The following MGAT4A variants were observed in gnomAD, a reference collection of about 807,000 sequenced individuals.
The protein encoded by MGAT4A is alpha-1,3-mannosyl-glycoprotein 4-beta-N-acetylglucosaminyltransferase A.
MGAT4A carries 33 observed loss-of-function variants against 74.1 expected under a neutral mutation model. The observed-to-expected ratio is 0.45, with a 90% CI of 0.34 to 0.60. The LOEUF is 0.60. Among genes scored for constraint, MGAT4A ranks in the 20% least tolerant of loss-of-function variants. MGAT4A has a pLI of 0.02. For missense variants in MGAT4A, 479 were observed against 628.3 expected, an observed-to-expected ratio of 0.76 and a Z score of 2.54; for synonymous variants, 198 against 210.4, an observed-to-expected ratio of 0.94 and a Z score of 0.51.
intron 2 of MGAT4A, among the ~76,000 whole-genome samples, chr2:98,710,934 T>G (rs1015374326): frequency 4.6e-5 from 7 of 151,664 alleles, no homozygotes; most frequent in Non-Finnish European, 1.5e-5. Flanking sequence ...ATAAGAAGTA[T>G]AAGAAGAACG....
intron 2 of MGAT4A, among the ~76,000 whole-genome samples, chr2:98,706,167 C>T (rs1702428941): frequency 6.6e-6 from 1 of 151,938 alleles, no homozygotes; most frequent in Non-Finnish European, 1.5e-5. Flanking sequence ...ATGTCATGAC[C>T]TAAACCCTAA....
chr2:98,623,137 A>T lies in MGAT4A; in HGVS notation c.*2429T>A. ...TGGCACACACCCTAGGCACGGGTAG[A>T]TTCATGGGGAGAGAAGCACAAAAAA... On this transcript the variant is annotated 3_prime_UTR_variant, in exon 16 of 16. Coordinates refer to ENST00000393487, the MANE Select transcript of MGAT4A (RefSeq NM_012214.3). 1.0e-6 allele frequency: 1 copy of T among 985,462 alleles called. No homozygotes were observed. The highest frequency in any genetic ancestry group is 1.2e-6 in the Non-Finnish European group (1 of 829,960). The allele number at this position is 985,462 out of a possible 1,614,324, so 61.0% of individuals were successfully genotyped here.
chr2:98,671,528 C>G (rs978805980), intron 4 of MGAT4A, among the ~76,000 whole-genome samples: 1 of 152,196 alleles, frequency 6.6e-6, no homozygotes. Context: ...TCACTCTACA[C>G]GTAAACTACA....
At chr2:98,688,695 T>C (rs1230461472) in intron 2 of MGAT4A, among the ~76,000 whole-genome samples, 2 of 152,146 alleles carry the variant, frequency 1.3e-5, no homozygotes, top group African/African-American at 4.8e-5. Context: ...CCGCCAACAG[T>C]CTGGATAAGC....
chr2:98,690,713 G>A (rs1702184148), intron 2 of MGAT4A, among the ~76,000 whole-genome samples: 1 of 152,036 alleles, frequency 6.6e-6, no homozygotes, highest in Non-Finnish European at 1.5e-5. Flanking sequence ...TACCTTGTAA[G>A]GATTTTAAAG....
At position 98,663,179 on chromosome 2, in the gene MGAT4A, A is replaced by C; in HGVS notation, c.404T>G (p.Val135Gly). The change falls in exon 5 of 16, where the codon GTT becomes GGT. Residue 135 changes from valine (V) to glycine (G), a missense_variant and splice_region_variant. Transcript: ENST00000393487. ...AVQIGNGRTG[V>G]SIVMGIPTVK... ...TGTGGGAATGCCCATGACTATTGAA[A>C]CTGGAAAAAAAAATAGTAATTATAT... is the stretch of plus-strand genomic sequence containing the variant. 6.4e-7 allele frequency: 1 copy of C among 1,571,450 alleles called. No homozygotes were observed. The highest frequency in any genetic ancestry group is 1.2e-5 in the South Asian group (1 of 83,712).
intron 2 of MGAT4A, among the ~76,000 whole-genome samples, chr2:98,719,904 C>T (rs1702643011): frequency 6.6e-6 from 1 of 152,170 alleles, no homozygotes; most frequent in East Asian, 1.9e-4. Flanking sequence ...GCCTCAGCCT[C>T]CCAAAGTGCT....
intron 4 of MGAT4A, among the ~76,000 whole-genome samples, chr2:98,665,222 A>G (rs993047528): frequency 2.0e-5 from 3 of 151,034 alleles, no homozygotes; most frequent in African/African-American, 7.3e-5. Context: ...CCAGCTACTC[A>G]GGAGGCTGAG....
intron 9 of MGAT4A, among the ~76,000 whole-genome samples, chr2:98,644,705 C>A (rs1253801528): frequency 1.3e-5 from 2 of 151,902 alleles, no homozygotes; most frequent in Non-Finnish European, 2.9e-5. Flanking sequence ...GCGATCTCAG[C>A]TCACTACAAC....
chr2:98,639,990 A>G lies in MGAT4A; in HGVS notation c.1140T>C (p.Tyr380=), dbSNP rs761605768. Residue 380 remains tyrosine, a synonymous_variant, in exon 12 of 16, where the codon TAT becomes TAC. Transcript: ENST00000393487. ...GKIQKLTDKD[Y]MKPLLLKIHV... ...GGATTTTAAGAAGTAATGGTTTCAT[A>G]TAATCTTTATCCTGGGAGCAAAGAC... is the stretch of plus-strand genomic sequence containing the variant. 12 of 1,611,778 alleles carry G rather than the reference A, an allele frequency of 7.4e-6. No individual in the cohort carries two copies. Among genetic ancestry groups the G allele is most frequent in the African/African-American group, 2.7e-5 (2 of 74,820 alleles).
chr2:98,687,198 AT>A (rs1215999289), intron 2 of MGAT4A, among the ~76,000 whole-genome samples: 1 of 152,154 alleles, frequency 6.6e-6, no homozygotes, highest in Non-Finnish European at 1.5e-5. Context: ...AATGCGCTGT[AT>A]TTTCCTATGA....
chr2:98,651,760 G>T (rs1266980758), intron 8 of MGAT4A, among the ~76,000 whole-genome samples: 1 of 152,076 alleles, frequency 6.6e-6, no homozygotes, highest in Non-Finnish European at 1.5e-5. Context: ...CCAATTAAAA[G>T]ACACAGTTAG....
At chr2:98,635,495 A>G (rs1408473380) in intron 13 of MGAT4A, among the ~76,000 whole-genome samples, 1 of 152,224 alleles carries the variant, frequency 6.6e-6, no homozygotes, top group Non-Finnish European at 1.5e-5. Flanking sequence ...TGTATATAAT[A>G]TATTGGTGGT....
intron 2 of MGAT4A, among the ~76,000 whole-genome samples, chr2:98,684,071 A>G (rs987879806): frequency 2.0e-5 from 3 of 152,238 alleles, no homozygotes; most frequent in Non-Finnish European, 4.4e-5. Flanking sequence ...TCAGCTTTCT[A>G]GAACTTTCTA....
chr2:98,722,684 A>G (rs1040484612), intron 2 of MGAT4A, among the ~76,000 whole-genome samples: 2 of 152,202 alleles, frequency 1.3e-5, no homozygotes, highest in African/African-American at 4.8e-5. Flanking sequence ...AAATGGATGA[A>G]TTGTATAGTA....
chr2:98,668,206 GTGGC>G (rs1017682062), intron 4 of MGAT4A, among the ~76,000 whole-genome samples: 4 of 152,230 alleles, frequency 2.6e-5, no homozygotes, highest in African/African-American at 7.2e-5. Flanking sequence ...AGAGACCTTT[GTGGC>G]AACCCCTCCC....
At chr2:98,632,018 G>A (rs779780715) in intron 14 of MGAT4A, among the ~76,000 whole-genome samples, 4 of 152,120 alleles carry the variant, frequency 2.6e-5, no homozygotes, top group Non-Finnish European at 5.9e-5. Context: ...GCTGAGGCAG[G>A]AGAATCACTT....
chr2:98,726,588 A>G (rs567780360), intron 1 of MGAT4A, 21 bp from the exon 2 acceptor site: 8 of 408,268 alleles, frequency 2.0e-5, no homozygotes, highest in African/African-American at 1.6e-4. Flanking sequence ...GAAAAGAGAA[A>G]GTCAAGCTCA....
chr2:98,730,052 G>T (rs1040532768), intron 1 of MGAT4A: 37 of 152,272 alleles, frequency 2.4e-4, no homozygotes, highest in African/African-American at 8.9e-4. Flanking sequence ...TTCAGAAAAA[G>T]AAACATAAAC....
Sources: gnomAD v4.1 joint callset for allele counts (sites outside exome capture counted in the v4.1 genomes callset) on GRCh38, gnomAD v4.1.1 for gene constraint, MANE v1.5 for transcripts, NCBI Gene and HGNC (gene_info 2026-07-23, HGNC 2026-07-21) for gene names.